Variants in HS6ST3 observed in about 807,000 individuals in gnomAD.
The protein encoded by HS6ST3 is heparan-sulfate 6-O-sulfotransferase 3.
Under a neutral mutation model 36.7 loss-of-function variants are expected in HS6ST3, and 12 were observed. The ratio of observed to expected loss-of-function variants is 0.33; its 90% confidence interval spans 0.21 to 0.53. HS6ST3 has a LOEUF of 0.53. HS6ST3 is among the 20% of genes least tolerant of loss of function. The probability of loss-of-function intolerance (pLI) is 0.95; values close to 1 mark genes in which losing one functional copy is unlikely to be tolerated. For missense variants in HS6ST3, 584 were observed against 640.9 expected, an observed-to-expected ratio of 0.91 and a Z score of 0.96; for synonymous variants, 240 against 257.5, an observed-to-expected ratio of 0.93 and a Z score of 0.65.
In HS6ST3 at chr13:96,342,457, G is replaced by A. The variant is rs144133766; in HGVS notation, c.707+250888G>A. Among the ~76,000 whole-genome samples, 158 of 152,256 alleles carry A rather than the reference G, an allele frequency of 1.0e-3. 3 individuals are homozygous for A. The highest frequency in any genetic ancestry group is 3.5e-3 in the African/African-American group (147 of 41,556). ...CAAAACACATTCATAGAGTTCCCCC[G>A]AAGCATCGCCCTTGTAGCCAACAGA... is the stretch of plus-strand genomic sequence containing the variant. On this transcript the variant is annotated intron_variant, in intron 1 of 1. Coordinates refer to ENST00000376705, the MANE Select transcript of HS6ST3 (RefSeq NM_153456.4).
At chr13:96,294,845 G>GT (rs932640311) in intron 1 of HS6ST3, among the ~76,000 whole-genome samples, 2 of 152,088 alleles carry the variant, frequency 1.3e-5, no homozygotes, top group South Asian at 4.1e-4. Flanking sequence ...ATGAACATGG[G>GT]TTTTTTTCTG....
intron 1 of HS6ST3, among the ~76,000 whole-genome samples, chr13:96,761,799 G>GAC (rs1222238659): frequency 6.6e-6 from 1 of 151,908 alleles, no homozygotes; most frequent in Non-Finnish European, 1.5e-5. Context: ...TCCATCTATT[G>GAC]ACACACACAC....
At chr13:96,196,483 C>T (rs1035850395) in intron 1 of HS6ST3, among the ~76,000 whole-genome samples, 8 of 152,082 alleles carry the variant, frequency 5.3e-5, no homozygotes, top group East Asian at 1.9e-4. Flanking sequence ...AGCCCTATAC[C>T]GTGGGTATTG....
At chr13:96,362,409 G>T (rs1327165079) in intron 1 of HS6ST3, among the ~76,000 whole-genome samples, 1 of 152,128 alleles carries the variant, frequency 6.6e-6, no homozygotes, top group East Asian at 1.9e-4. Context: ...AGATAGGATA[G>T]GCCAAACTAC....
At chr13:96,093,024 A>G (rs529320833) in intron 1 of HS6ST3, among the ~76,000 whole-genome samples, 23 of 152,326 alleles carry the variant, frequency 1.5e-4, no homozygotes, top group Non-Finnish European at 1.6e-4. Flanking sequence ...TATTACTTCC[A>G]AACCTCCTAA....
intron 1 of HS6ST3, among the ~76,000 whole-genome samples, chr13:96,609,636 T>C (rs1265290527): frequency 6.6e-6 from 1 of 152,212 alleles, no homozygotes; most frequent in Non-Finnish European, 1.5e-5. Flanking sequence ...GTCTCCCATC[T>C]TGTGCCAGAT....
chr13:96,131,255 T>G (rs1381985019), intron 1 of HS6ST3, among the ~76,000 whole-genome samples: 1 of 152,214 alleles, frequency 6.6e-6, no homozygotes, highest in Non-Finnish European at 1.5e-5. Flanking sequence ...TTTACTTTAC[T>G]AAAGAAACTC....
intron 1 of HS6ST3, among the ~76,000 whole-genome samples, chr13:96,386,963 C>T (rs2055371546): frequency 6.6e-6 from 1 of 152,098 alleles, no homozygotes; most frequent in Admixed American, 6.5e-5. Context: ...GGGTCTTATT[C>T]TGTTGTCCAG....
At chr13:96,375,216 CCTGATTA>C (rs2055309012) in intron 1 of HS6ST3, among the ~76,000 whole-genome samples, 1 of 152,132 alleles carries the variant, frequency 6.6e-6, no homozygotes, top group South Asian at 2.1e-4. Context: ...AGGGTGATTG[CCTGATTA>C]CTTCGTAAAG....
At chr13:96,347,165 T>C (rs556027055) in intron 1 of HS6ST3, among the ~76,000 whole-genome samples, 1 of 152,280 alleles carries the variant, frequency 6.6e-6, no homozygotes, top group East Asian at 1.9e-4. Flanking sequence ...GGATTCCTGA[T>C]CCACAGAAAC....
At chr13:96,623,551 A>G (rs2056502257) in intron 1 of HS6ST3, among the ~76,000 whole-genome samples, 1 of 152,070 alleles carries the variant, frequency 6.6e-6, no homozygotes, top group African/African-American at 2.4e-5. Context: ...AACCAACAAG[A>G]TAAGTGTCTG....
intron 1 of HS6ST3, among the ~76,000 whole-genome samples, chr13:96,158,754 G>A (rs115051431): frequency 0.012 from 1,767 of 151,848 alleles, 33 homozygotes; most frequent in African/African-American, 0.041. Flanking sequence ...TGAGCCCCAG[G>A]GACAGTGTTG....
At chr13:96,170,871 T>G (rs2054184150) in intron 1 of HS6ST3, among the ~76,000 whole-genome samples, 1 of 152,234 alleles carries the variant, frequency 6.6e-6, no homozygotes, top group Non-Finnish European at 1.5e-5. Flanking sequence ...CTGTATTGAA[T>G]TTCTGGAAGT....
chr13:96,602,755 A>G (rs1044854017), intron 1 of HS6ST3, among the ~76,000 whole-genome samples: 3 of 151,964 alleles, frequency 2.0e-5, no homozygotes, highest in East Asian at 1.9e-4. Flanking sequence ...TGTGAGTACT[A>G]TCTTGGATTA....
chr13:96,528,776 T>G (rs2056124577), intron 1 of HS6ST3, among the ~76,000 whole-genome samples: 1 of 152,144 alleles, frequency 6.6e-6, no homozygotes, highest in African/African-American at 2.4e-5. Flanking sequence ...TATCCCTGAC[T>G]TTTCGAACAT....
intron 1 of HS6ST3, among the ~76,000 whole-genome samples, chr13:96,248,977 C>T (rs551072760): frequency 4.6e-5 from 7 of 152,262 alleles, no homozygotes; most frequent in African/African-American, 1.7e-4. Context: ...TATAGCCTTT[C>T]ATGGATTTCT....
In HS6ST3 at chr13:96,833,034, C is replaced by T. The variant is rs1482738025; in HGVS notation, c.1252C>T (p.Arg418Cys). The change falls in exon 2 of 2, where the codon CGC becomes TGC. Residue 418 changes from arginine (R) to cysteine (C), a missense_variant. Arg to Cys is a radical substitution (Grantham distance 180). Transcript: ENST00000376705. ...GTATGCAAAAGATCTCTTCCAGCAG[C>T]GCTACCACCACACCAAGCAGCTAGA... Reference protein sequence around the residue: ...YEYAKDLFQQRYHHTKQLEHQ... With the variant: ...YEYAKDLFQQCYHHTKQLEHQ... The T allele has an allele frequency of 6.2e-7, 1 of 1,613,692 alleles. No individual in the cohort carries two copies. Among genetic ancestry groups the T allele is most frequent in the Non-Finnish European group, 8.5e-7 (1 of 1,180,002 alleles).
At chr13:96,313,276 G>A (rs1304778927) in intron 1 of HS6ST3, among the ~76,000 whole-genome samples, 2 of 151,610 alleles carry the variant, frequency 1.3e-5, no homozygotes, top group Non-Finnish European at 1.5e-5. Context: ...CTGTGCCCTA[G>A]AACAGGTTTT....
At chr13:96,292,578 A>G in intron 1 of HS6ST3, among the ~76,000 whole-genome samples, 1 of 150,506 alleles carries the variant, frequency 6.6e-6, no homozygotes, top group South Asian at 2.1e-4. Context: ...TATTAAAAGT[A>G]TAAAACTATA....
Sources: gnomAD v4.1 joint callset for allele counts (sites outside exome capture counted in the v4.1 genomes callset) on GRCh38, gnomAD v4.1.1 for gene constraint, MANE v1.5 for transcripts, NCBI Gene and HGNC (gene_info 2026-07-23, HGNC 2026-07-21) for gene names.